Variants in CRYBG2 observed in about 807,000 individuals in gnomAD.
CRYBG2 encodes beta/gamma crystallin domain-containing protein 2.
CRYBG2 carries 106 observed loss-of-function variants against 153.4 expected under a neutral mutation model. That is an observed-to-expected ratio of 0.69 (90% CI 0.59 to 0.81). The LOEUF (loss-of-function observed/expected upper bound fraction) is 0.81, where lower values mean the gene tolerates loss of function less well. Among genes scored for constraint, CRYBG2 ranks in the 30% least tolerant of loss-of-function variants. CRYBG2 has a pLI of 0.00. For synonymous variants in CRYBG2, 851 were observed against 877.8 expected, an observed-to-expected ratio of 0.97 and a Z score of 0.54; for missense variants, 1,996 against 2,112.0, an observed-to-expected ratio of 0.95 and a Z score of 1.08.
chr1:26,343,861 G>A lies in CRYBG2; in HGVS notation c.2797C>T (p.Leu933=). Reference sequence around the variant, plus strand: ...AGCCCCGGTGCCCCATGGGGCAGCAGAGCAGATAGTTTTGTGCCCAGCGGT... The same window carrying A: ...AGCCCCGGTGCCCCATGGGGCAGCAAAGCAGATAGTTTTGTGCCCAGCGGT... The part of the protein sequence containing the change: ...PEPLGTKLSA[L]LPHGAPGLRK... The change falls in exon 2 of 20, where the codon CTG becomes TTG. Residue 933 remains leucine, a synonymous_variant. Coordinates refer to ENST00000308182, the MANE Select transcript of CRYBG2 (RefSeq NM_001039775.4). This position sits in a 1 kb window ranked among gnomAD's most constrained non-coding sequence, Gnocchi z 4.1. The A allele has an allele frequency of 2.0e-6, 3 of 1,499,662 alleles. No individual in the cohort carries two copies. The highest frequency in any genetic ancestry group is 2.7e-6 in the Non-Finnish European group (3 of 1,120,652). The allele number at this position is 1,499,662 out of a possible 1,614,324, so 92.9% of individuals were successfully genotyped here.
At position 26,344,302 on chromosome 1, in the gene CRYBG2, G is replaced by A. The variant is rs2074173508; in HGVS notation, c.2356C>T (p.Pro786Ser). The A allele has an allele frequency of 1.3e-6, 2 of 1,511,264 alleles. No individual in the cohort carries two copies. The highest frequency in any genetic ancestry group is 2.5e-5 in the South Asian group (2 of 80,420). The allele number at this position is 1,511,264 out of a possible 1,614,324, so 93.6% of individuals were successfully genotyped here. A position where few individuals can be genotyped will look rare whatever the true frequency, so the allele number is the denominator to read the frequency against. Residue 786 changes from proline (P) to serine (S), a missense_variant, in exon 2 of 20, where the codon CCA (proline) becomes TCA (serine). By Grantham distance (74) the Pro-to-Ser change is moderately conservative. Transcript: ENST00000308182. ...AGGTAGGAGGAGCGAGGGGCTCGTG[G>A]CAGCCGGTGAGTGCGGAGGATCTCA... ...PPEILRTHRL[P>S]RAPRSSYLSM...
rs1331476937 is a variant in CRYBG2, at chr1:26,343,146, GAGA to G, written c.2972_2974del (p.Phe991del). ...GCCACTGCCTTGGCAGCCAGACTCT[GAGA>G]AGAAGATCACCTGAGAAGGCACAGA... On this transcript the variant is annotated inframe_deletion, in exon 4 of 20. Coordinates refer to ENST00000308182, the MANE Select transcript of CRYBG2 (RefSeq NM_001039775.4). The surrounding 1 kb of genome is among the most constrained non-coding windows in gnomAD (Gnocchi z 4.1). 1.4e-5 allele frequency: 21 copies of G among 1,550,508 alleles called. No homozygotes were observed. The highest frequency in any genetic ancestry group is 4.9e-5 in the East Asian group (2 of 40,924).
rs1343384422 is a variant in CRYBG2, at chr1:26,325,304, T to C, written c.4579-994A>G. Among the ~76,000 whole-genome samples, 3 of 152,232 alleles carry C rather than the reference T, an allele frequency of 2.0e-5. No homozygotes were observed. The highest frequency in any genetic ancestry group is 7.2e-5 in the African/African-American group (3 of 41,460). On this transcript the variant is annotated intron_variant, in intron 17 of 19. Transcript: ENST00000308182. This position sits in a 1 kb window ranked among gnomAD's most constrained non-coding sequence, Gnocchi z 4.1. Reference sequence around the variant, plus strand: ...CGGGCGCGGAGGCTCACGCCTGTAATCCCAGCACTTTGGGAGGCCAAGGCG... The same window carrying C: ...CGGGCGCGGAGGCTCACGCCTGTAACCCCAGCACTTTGGGAGGCCAAGGCG...
chr1:26,344,500 C>G lies in CRYBG2; in HGVS notation c.2158G>C (p.Gly720Arg). The change falls in exon 2 of 20, where the codon GGA becomes CGA. Residue 720 changes from glycine to arginine, a missense_variant. Physicochemically the swap from Gly to Arg is moderately radical, Grantham distance 125. Transcript: ENST00000308182. ...GTTGGCACTGGGGCAGGGGTGCCTC[C>G]TGGGCTGGGGGACACCCTGTCCACT... ...SSVDRVSPSP[G>R]GTPAPVPTGA... 5 of 1,546,370 alleles carry G rather than the reference C, an allele frequency of 3.2e-6. No individual in the cohort carries two copies. The highest frequency in any genetic ancestry group is 4.4e-6 in the Non-Finnish European group (5 of 1,145,340).
At position 26,345,637 on chromosome 1, in the gene CRYBG2, G is replaced by A. The variant is rs1276535467; in HGVS notation, c.1021C>T (p.Pro341Ser). 2 of 1,598,966 alleles carry A rather than the reference G, an allele frequency of 1.3e-6. No individual in the cohort carries two copies. The highest frequency in any genetic ancestry group is 1.7e-6 in the Non-Finnish European group (2 of 1,179,788). Residue 341 changes from proline to serine, a missense_variant, in exon 2 of 20, where the codon CCT (proline) becomes TCT (serine). Physicochemically the swap from Pro to Ser is moderately conservative, Grantham distance 74 (BLOSUM62 -1). Transcript: ENST00000308182. ...VLGAPSSTEL[P>S]LQTSQGQASV... ...GCTTGACCCTGAGAAGTCTGGAGAG[G>A]GAGCTCAGTGGAACTGGGGGCTCCC... is the stretch of plus-strand genomic sequence containing the variant.
rs1240365805 is a variant in CRYBG2 at position 26,343,055 on chromosome 1, A to G, written c.3066T>C (p.Val1022=). 8 of 1,549,054 alleles carry G rather than the reference A, an allele frequency of 5.2e-6. No individual in the cohort carries two copies. The highest frequency in any genetic ancestry group is 7.0e-6 in the Non-Finnish European group (8 of 1,145,966). The change falls in exon 4 of 20, where the codon GTT becomes GTC. Residue 1022 remains valine, a synonymous_variant. Transcript: ENST00000308182. This position sits in a 1 kb window ranked among gnomAD's most constrained non-coding sequence, Gnocchi z 4.1. ...GGGCACTCCCCACTCACCAGCCTCGAACTACCCTTATGGAGGCTACGGGGG... is the reference window on the plus strand; with the variant it reads ...GGGCACTCCCCACTCACCAGCCTCGGACTACCCTTATGGAGGCTACGGGGG... ...GWAPVASIRV[V]RGCWVLYEEP... is the part of the protein sequence containing the mutation.
chr1:26,328,625 G>C, intron 16 of CRYBG2, 109 bp downstream of exon 16: 1 of 1,454,756 alleles, frequency 6.9e-7, no homozygotes, highest in Admixed American at 2.2e-5. Flanking sequence ...GGAGGGGAGT[G>C]GGGGAAAAGT....
In CRYBG2 at chr1:26,343,639, C is replaced by A; in HGVS notation, c.2913+106G>T. The A allele has an allele frequency of 7.4e-7, 1 of 1,344,996 alleles. No individual in the cohort carries two copies. The allele number at this position is 1,344,996 out of a possible 1,614,324, so 83.3% of individuals were successfully genotyped here. On this transcript the variant is annotated intron_variant, in intron 2 of 19. Coordinates refer to ENST00000308182, the MANE Select transcript of CRYBG2 (RefSeq NM_001039775.4). The surrounding 1 kb of genome is among the most constrained non-coding windows in gnomAD (Gnocchi z 4.1). Reference sequence around the variant, plus strand: ...AACTGAACCAGACTTCAGACAGAAGCCTCTGCCCCCAGACTCTGACTCCCA... The same window carrying A: ...AACTGAACCAGACTTCAGACAGAAGACTCTGCCCCCAGACTCTGACTCCCA...
chr1:26,343,709 C>G lies in CRYBG2; in HGVS notation c.2913+36G>C. The G allele has an allele frequency of 6.9e-7, 1 of 1,441,638 alleles. No homozygotes were observed. The highest frequency in any genetic ancestry group is 9.1e-7 in the Non-Finnish European group (1 of 1,095,570). 89.3% of individuals were successfully genotyped at this position (1,441,638 alleles called of 1,614,324 possible). On this transcript the variant is annotated intron_variant, in intron 2 of 19. Coordinates refer to ENST00000308182, the MANE Select transcript of CRYBG2 (RefSeq NM_001039775.4). This position sits in a 1 kb window ranked among gnomAD's most constrained non-coding sequence, Gnocchi z 4.1. ...ACTCAAGCCTTGACCCAGGTGAGGC[C>G]AGGCACCTCCCTTGCCCACCCGAGG...
chr1:26,339,256 C>A, intron 6 of CRYBG2, 34 bp downstream of exon 6: 2 of 1,598,180 alleles, frequency 1.3e-6, no homozygotes, highest in Non-Finnish European at 1.7e-6. Flanking sequence ...CAGTGAATGT[C>A]AAATGAGGGG....
At position 26,345,375 on chromosome 1, in the gene CRYBG2, T is replaced by A. The variant is rs756623203; in HGVS notation, c.1283A>T (p.Lys428Met). The A allele has an allele frequency of 6.2e-7, 1 of 1,613,266 alleles. No homozygotes were observed. The highest frequency in any genetic ancestry group is 1.7e-5 in the Admixed American group (1 of 60,018). The change falls in exon 2 of 20, where the codon AAG becomes ATG. Residue 428 changes from lysine to methionine, a missense_variant. Physicochemically the swap from Lys to Met is moderately conservative, Grantham distance 95. Coordinates refer to ENST00000308182, the MANE Select transcript of CRYBG2 (RefSeq NM_001039775.4). ...AAGACCTCCTGGGCTGGGGACATCC[T>A]TCCTTCTTGTAGTGGATGGAGCAGG... Reference protein sequence around the residue: ...QPPAPSTTRRKDVPSPGGLSA... With the variant: ...QPPAPSTTRRMDVPSPGGLSA...
intron 14 of CRYBG2, among the ~76,000 whole-genome samples, chr1:26,334,591 T>C (rs1340318001): frequency 1.3e-5 from 2 of 152,116 alleles, no homozygotes; most frequent in East Asian, 3.9e-4. Flanking sequence ...TGAACGAATA[T>C]ATAACAAATA....
In CRYBG2 at chr1:26,336,522, C is replaced by G. The variant is rs780290025; in HGVS notation, c.4038+84G>C. Reference sequence around the variant, plus strand: ...AAGCGCCCAGGCAGGTCCTCCAGCCCGCTACCTCTGCGTGGGGGCGGGGCG... The same window carrying G: ...AAGCGCCCAGGCAGGTCCTCCAGCCGGCTACCTCTGCGTGGGGGCGGGGCG... On this transcript the variant is annotated intron_variant, in intron 12 of 19. Transcript: ENST00000308182. The surrounding 1 kb of genome is among the most constrained non-coding windows in gnomAD (Gnocchi z 4.9). 3.9e-6 allele frequency: 6 copies of G among 1,544,304 alleles called. No homozygotes were observed. Among genetic ancestry groups the G allele is most frequent in the African/African-American group, 1.4e-5 (1 of 72,530 alleles).
rs958287558 is a variant in CRYBG2 at position 26,344,212 on chromosome 1, C to T, written c.2446G>A (p.Gly816Arg). 75 of 1,535,550 alleles carry T rather than the reference C, an allele frequency of 4.9e-5. No homozygotes were observed. The highest frequency in any genetic ancestry group is 1.8e-4 in the South Asian group (15 of 83,988). ...TCCAGTGAAGGCACCTCCTGGGGTC[C>T]GGGGCCCAGCACCCATGGCCCCAGC... ...DQLGPWVLGP[G>R]PQEVPSLEEK... The change falls in exon 2 of 20, where the codon GGA (glycine) becomes AGA (arginine). Residue 816 changes from glycine (G) to arginine (R), a missense_variant. Coordinates refer to ENST00000308182, the MANE Select transcript of CRYBG2 (RefSeq NM_001039775.4).
Position 26,346,548 on chromosome 1 carries a change from T to C in CRYBG2, c.110A>G (p.His37Arg). ...GGCCCCTGACACCAGGGACACCTTG[T>C]GAAAACCATGTTTGATCTCTTCCTG... ...PTQEEIKHGF[H>R]KVSLVSGAQM... Residue 37 changes from histidine to arginine, a missense_variant, in exon 2 of 20, where the codon CAC becomes CGC. By Grantham distance (29) the His-to-Arg change is conservative. Transcript: ENST00000308182. This position sits in a 1 kb window ranked among gnomAD's most constrained non-coding sequence, Gnocchi z 4.9. The C allele has an allele frequency of 6.2e-7, 1 of 1,612,206 alleles. No homozygotes were observed. The highest frequency in any genetic ancestry group is 8.5e-7 in the Non-Finnish European group (1 of 1,179,176).
chr1:26,331,414 A>G (rs2073994970), intron 15 of CRYBG2, 75 bp downstream of exon 15: 2 of 1,568,696 alleles, frequency 1.3e-6, no homozygotes, highest in African/African-American at 1.3e-5. Flanking sequence ...ACCAGCACAC[A>G]GGTTCTGTGT....
Position 26,343,206 on chromosome 1 carries a change from G to A in CRYBG2, c.2961+40C>T. On this transcript the variant is annotated intron_variant, in intron 3 of 19. Transcript: ENST00000308182. The surrounding 1 kb of genome is among the most constrained non-coding windows in gnomAD (Gnocchi z 4.1). Reference sequence around the variant, plus strand: ...CCTCAGGCCCTGACCCCAGGCCCCTGCATCCTGCTGCCCCCACCCACTTGC... The same window carrying A: ...CCTCAGGCCCTGACCCCAGGCCCCTACATCCTGCTGCCCCCACCCACTTGC... The A allele has an allele frequency of 2.6e-6, 4 of 1,550,520 alleles. No homozygotes were observed. The highest frequency in any genetic ancestry group is 3.5e-6 in the Non-Finnish European group (4 of 1,146,964).
chr1:26,346,064 C>T lies in CRYBG2; in HGVS notation c.594G>A (p.Val198=). 1 of 1,587,270 alleles carries T rather than the reference C, an allele frequency of 6.3e-7. No homozygotes were observed. Among genetic ancestry groups the T allele is most frequent in the Non-Finnish European group, 8.5e-7 (1 of 1,173,002 alleles). ...GGGCCTCGCCTGAGGACACTGGCCTCACAGTCACAGAGCTGCTCATCCGCC... is the reference window on the plus strand; with the variant it reads ...GGGCCTCGCCTGAGGACACTGGCCTTACAGTCACAGAGCTGCTCATCCGCC... ...VDRRMSSSVT[V]RPVSSGEALP... The change falls in exon 2 of 20, where the codon GTG becomes GTA. Residue 198 remains valine (V), a synonymous_variant. Coordinates refer to ENST00000308182, the MANE Select transcript of CRYBG2 (RefSeq NM_001039775.4). The surrounding 1 kb of genome is among the most constrained non-coding windows in gnomAD (Gnocchi z 4.9).
intron 14 of CRYBG2, among the ~76,000 whole-genome samples, chr1:26,335,121 A>G (rs1418308553): frequency 5.2e-5 from 1 of 19,380 alleles, no homozygotes; most frequent in Non-Finnish European, 1.9e-4. Flanking sequence ...ATTTGGAGCA[A>G]AAAAAAAAAA....
Sources: gnomAD v4.1 joint callset for allele counts (sites outside exome capture counted in the v4.1 genomes callset) on GRCh38, gnomAD v4.1.1 for gene constraint, Gnocchi (gnomAD v3.1) non-coding constraint, MANE v1.5 for transcripts, NCBI Gene and HGNC (gene_info 2026-07-23, HGNC 2026-07-21) for gene names.